RALGAPA2: variants seen among roughly 807,000 people sequenced by gnomAD.
RALGAPA2 encodes ral GTPase-activating protein subunit alpha-2.
Under a neutral mutation model 230.4 loss-of-function variants are expected in RALGAPA2, and 139 were observed. The observed-to-expected ratio is 0.60, with a 90% CI of 0.53 to 0.69. The LOEUF is 0.69. Among genes scored for constraint, RALGAPA2 ranks in the 30% least tolerant of loss-of-function variants. The pLI, the probability that RALGAPA2 is intolerant of heterozygous loss-of-function variation, is 0.00. For missense variants in RALGAPA2, 2,163 were observed against 2,276.0 expected, an observed-to-expected ratio of 0.95 and a Z score of 1.01; for synonymous variants, 847 against 837.8, an observed-to-expected ratio of 1.01 and a Z score of -0.19.
At chr20:20,415,010 T>C (rs918133407) in intron 37 of RALGAPA2, among the ~76,000 whole-genome samples, 1 of 152,220 alleles carries the variant, frequency 6.6e-6, no homozygotes, top group Non-Finnish European at 1.5e-5. Flanking sequence ...TCCCCTTAGC[T>C]CTGGCAGCGT....
At chr20:20,583,938 T>C (rs2065059174) in intron 19 of RALGAPA2, among the ~76,000 whole-genome samples, 1 of 152,192 alleles carries the variant, frequency 6.6e-6, no homozygotes, top group Non-Finnish European at 1.5e-5. Flanking sequence ...CTGTATCTAC[T>C]CCTAACAGTC....
intron 37 of RALGAPA2, among the ~76,000 whole-genome samples, chr20:20,434,223 T>A (rs1039275984): frequency 6.6e-6 from 1 of 152,142 alleles, no homozygotes; most frequent in Non-Finnish European, 1.5e-5. Flanking sequence ...CAAAAGTTGC[T>A]CATAGCCACA....
At chr20:20,440,755 G>C (rs1298194010) in intron 37 of RALGAPA2, among the ~76,000 whole-genome samples, 2 of 152,202 alleles carry the variant, frequency 1.3e-5, no homozygotes, top group Non-Finnish European at 2.9e-5. Flanking sequence ...GGCAGCTGAC[G>C]GGCAACCTCA....
intron 36 of RALGAPA2, among the ~76,000 whole-genome samples, chr20:20,489,456 G>T (rs1170853082): frequency 4.6e-5 from 7 of 151,358 alleles, no homozygotes; most frequent in Non-Finnish European, 1.0e-4. Context: ...ACACTTCAAA[G>T]AGTTTATTTA....
intron 37 of RALGAPA2, among the ~76,000 whole-genome samples, chr20:20,450,354 C>T (rs892298232): frequency 3.9e-5 from 6 of 152,178 alleles, no homozygotes; most frequent in African/African-American, 1.2e-4. Flanking sequence ...GGTATCAAAA[C>T]GGGAATACTT....
chr20:20,410,817 C>G (rs527547981), intron 38 of RALGAPA2, among the ~76,000 whole-genome samples: 1 of 152,166 alleles, frequency 6.6e-6, no homozygotes, highest in Non-Finnish European at 1.5e-5. Flanking sequence ...TGTTCCTTGA[C>G]GCCTCACCAG....
In RALGAPA2 at chr20:20,617,856, T is replaced by C. The variant is rs140007171; in HGVS notation, c.1539+1421A>G. 7.2e-3 allele frequency among the ~76,000 whole-genome samples: 1,092 copies of C among 152,276 alleles called. 10 individuals are homozygous for C. The highest frequency in any genetic ancestry group is 0.025 in the African/African-American group (1,048 of 41,570). On this transcript the variant is annotated intron_variant, in intron 12 of 39. Transcript: ENST00000202677. ...AAGTAAAGGACTAAGGTATTAGATA[T>C]AAGAACAAAACCAACTATTTAAATC... is the stretch of plus-strand genomic sequence containing the variant.
At chr20:20,454,977 G>T (rs145152543) in intron 37 of RALGAPA2, among the ~76,000 whole-genome samples, 212 of 152,362 alleles carry the variant, frequency 1.4e-3, no homozygotes, top group African/African-American at 4.9e-3. Flanking sequence ...TACAAAGTCT[G>T]AGAAGGGAAT....
intron 23 of RALGAPA2, among the ~76,000 whole-genome samples, chr20:20,570,572 T>C (rs2145911031): frequency 6.6e-6 from 1 of 152,298 alleles, no homozygotes; most frequent in Non-Finnish European, 1.5e-5. Context: ...TGAAATGTCT[T>C]AAAATTTATT....
intron 30 of RALGAPA2, among the ~76,000 whole-genome samples, chr20:20,521,432 G>A (rs973537610): frequency 8.5e-5 from 13 of 152,144 alleles, no homozygotes; most frequent in Non-Finnish European, 8.8e-5. Context: ...GGGTAGTGGT[G>A]GGACAGGCCA....
chr20:20,620,348 G>T, intron 11 of RALGAPA2, 115 bp downstream of exon 11: 1 of 1,070,882 alleles, frequency 9.3e-7, no homozygotes, highest in Non-Finnish European at 1.3e-6. Flanking sequence ...AGCATCAGAT[G>T]GGATAAAAAA....
In RALGAPA2 at chr20:20,392,929, A is replaced by G; in HGVS notation, c.*360T>C. 2.0e-6 allele frequency: 1 copy of G among 509,112 alleles called. No homozygotes were observed. The highest frequency in any genetic ancestry group is 3.1e-6 in the Non-Finnish European group (1 of 320,872). 31.5% of individuals were successfully genotyped at this position (509,112 alleles called of 1,614,324 possible). On this transcript the variant is annotated 3_prime_UTR_variant, in exon 40 of 40. Transcript: ENST00000202677. ...TTTCCTGCTGTCATCTGCCCAGAGC[A>G]GCCACACCAGTGCCCACGTGTCAGT...
In RALGAPA2 at chr20:20,521,086, A is replaced by T. The variant is rs1352789326; in HGVS notation, c.3915T>A (p.Cys1305Ter). ...GGGTGTACGTGCTTGAGCCACACACACAGCAGTGCAAAACCTGTGAAAACA... is the reference window on the plus strand; with the variant it reads ...GGGTGTACGTGCTTGAGCCACACACTCAGCAGTGCAAAACCTGTGAAAACA... ...LDYIYRVLHC[C>*]VCGSSTYTQQ... Residue 1305 changes from cysteine (C) to a stop codon, truncating the protein, a stop_gained, in exon 31 of 40, where the codon TGT (cysteine) becomes TGA (stop). Transcript: ENST00000202677. LOFTEE classifies it high-confidence loss of function. 8.1e-6 allele frequency: 13 copies of T among 1,610,874 alleles called. No individual in the cohort carries two copies. Among genetic ancestry groups the T allele is most frequent in the Non-Finnish European group, 9.3e-6 (11 of 1,177,728 alleles).
At chr20:20,623,823 C>T (rs925664517) in intron 10 of RALGAPA2, among the ~76,000 whole-genome samples, 2 of 152,168 alleles carry the variant, frequency 1.3e-5, no homozygotes, top group Non-Finnish European at 2.9e-5. Flanking sequence ...AATCTGCATT[C>T]GTCATCTATT....
At chr20:20,623,509 A>C (rs1379743221) in intron 10 of RALGAPA2, among the ~76,000 whole-genome samples, 4 of 152,032 alleles carry the variant, frequency 2.6e-5, no homozygotes, top group Non-Finnish European at 5.9e-5. Flanking sequence ...CAAAAAAAAA[A>C]AAAAAACAAA....
chr20:20,688,792 C>G (rs2068794422), intron 1 of RALGAPA2, among the ~76,000 whole-genome samples: 1 of 152,200 alleles, frequency 6.6e-6, no homozygotes, highest in South Asian at 2.1e-4. Flanking sequence ...TCCTTTCAAG[C>G]ATTCCTGAAG....
At chr20:20,554,779 C>T (rs2064032873) in intron 23 of RALGAPA2, among the ~76,000 whole-genome samples, 2 of 152,162 alleles carry the variant, frequency 1.3e-5, no homozygotes, top group African/African-American at 4.8e-5. Flanking sequence ...GTTGGGATAA[C>T]AGGCATGAGC....
chr20:20,527,536 G>C (rs2063243368), intron 27 of RALGAPA2, among the ~76,000 whole-genome samples: 1 of 151,728 alleles, frequency 6.6e-6, no homozygotes, highest in African/African-American at 2.4e-5. Context: ...GGCTTGCATT[G>C]TTATACCTTT....
chr20:20,489,970 T>C (rs931121145), intron 36 of RALGAPA2, among the ~76,000 whole-genome samples: 6 of 152,218 alleles, frequency 3.9e-5, no homozygotes, highest in African/African-American at 1.4e-4. Flanking sequence ...GAAGAAGATG[T>C]ATATGCAAAG....
Sources: allele counts gnomAD v4.1 joint callset (sites outside exome capture counted in the v4.1 genomes callset), GRCh38; gene constraint gnomAD v4.1.1; transcripts MANE v1.5; gene names NCBI Gene and HGNC (gene_info 2026-07-23, HGNC 2026-07-21).